The following INTS1 variants were observed in gnomAD, a reference collection of about 807,000 sequenced individuals.
The protein encoded by INTS1 is integrator complex subunit 1.
A neutral mutation model predicts 241.6 loss-of-function variants in INTS1; 137 were observed. The observed-to-expected ratio is 0.57, with a 90% CI of 0.49 to 0.65. The LOEUF (loss-of-function observed/expected upper bound fraction) is 0.65. INTS1 is among the 30% of genes least tolerant of loss of function. INTS1 has a pLI of 0.00. For synonymous variants in INTS1, 1,692 were observed against 1,337.8 expected (o/e 1.26, Z -5.78); for missense variants, 3,073 against 3,032.2 (o/e 1.01, Z -0.32).
intron 3 of INTS1, among the ~76,000 whole-genome samples, chr7:1,502,012 G>A (rs760995948): frequency 2.0e-5 from 3 of 152,158 alleles, no homozygotes; most frequent in African/African-American, 4.8e-5. Flanking sequence ...TTCCAGGGCC[G>A]TCGGGGACTC....
At position 1,484,083 on chromosome 7, in the gene INTS1, G is replaced by C. The variant is rs1297816359; in HGVS notation, c.3349C>G (p.Leu1117Val). Residue 1117 changes from leucine (L) to valine (V), a missense_variant, in exon 25 of 48, where the codon CTG becomes GTG. Leu to Val is a conservative substitution (Grantham distance 32). Transcript: ENST00000404767. The part of the protein sequence containing the change: ...LSPSAASDAV[L>V]SALLSIFSRY... Reference sequence around the variant, plus strand: ...GAGAAGATGGACAACAGAGCGCTCAGCACGGCGTCCGACGCGGCACTCGGG... The same window carrying C: ...GAGAAGATGGACAACAGAGCGCTCACCACGGCGTCCGACGCGGCACTCGGG... 6.2e-7 allele frequency: 1 copy of C among 1,612,456 alleles called. No homozygotes were observed. Among genetic ancestry groups the C allele is most frequent in the Non-Finnish European group, 8.5e-7 (1 of 1,179,784 alleles).
intron 45 of INTS1, 27 bp from the exon 46 acceptor site, chr7:1,471,251 G>T (rs1187123679): frequency 5.1e-6 from 8 of 1,554,662 alleles, no homozygotes; most frequent in Non-Finnish European, 7.0e-6. Context: ...TGGGAGGTGT[G>T]TGACCAAGGG....
At chr7:1,476,156 C>A in intron 38 of INTS1, 73 bp downstream of exon 38, 1 of 1,524,742 alleles carries the variant, frequency 6.6e-7, no homozygotes, top group Non-Finnish European at 8.8e-7. Flanking sequence ...GATGGGAACC[C>A]ACCCAGGGCT....
At chr7:1,480,092 C>A (rs1463802029) in intron 30 of INTS1, among the ~76,000 whole-genome samples, 1 of 152,262 alleles carries the variant, frequency 6.6e-6, no homozygotes, top group Non-Finnish European at 1.5e-5. Flanking sequence ...GGGCGACCCC[C>A]TTCCCCAATG....
chr7:1,482,876 C>T (rs996662337), intron 26 of INTS1, 169 bp from the exon 27 acceptor site: 31 of 703,020 alleles, frequency 4.4e-5, no homozygotes, highest in Non-Finnish European at 6.6e-5. Context: ...GGATGCTTTG[C>T]GTAGGTGCAC....
chr7:1,484,125 G>A lies in INTS1; in HGVS notation c.3307C>T (p.Leu1103Phe), dbSNP rs1170023591. The part of the protein sequence containing the change: ...VVERSTIMSH[L>F]FSKLSPSAAS... Reference sequence around the variant, plus strand: ...GCACTCGGGGAGAGCTTCGAGAAGAGGTGGGACATGATGGTGGAGCGCTCC... The same window carrying A: ...GCACTCGGGGAGAGCTTCGAGAAGAAGTGGGACATGATGGTGGAGCGCTCC... Residue 1103 changes from leucine to phenylalanine, a missense_variant, in exon 25 of 48, where the codon CTC (leucine) becomes TTC (phenylalanine). Physicochemically the swap from Leu to Phe is conservative, Grantham distance 22. Transcript: ENST00000404767. 8.1e-6 allele frequency: 13 copies of A among 1,612,380 alleles called. No individual in the cohort carries two copies. The highest frequency in any genetic ancestry group is 1.0e-5 in the Non-Finnish European group (12 of 1,179,754).
intron 27 of INTS1, 52 bp downstream of exon 27, chr7:1,482,494 G>A: frequency 6.5e-7 from 1 of 1,543,874 alleles, no homozygotes; most frequent in Non-Finnish European, 8.8e-7. Flanking sequence ...CAGGCAAGGG[G>A]CCCGGGACCC....
At position 1,497,297 on chromosome 7, in the gene INTS1, G is replaced by A. The variant is rs758954867; in HGVS notation, c.1443C>T (p.Phe481=). The A allele has an allele frequency of 5.0e-6, 8 of 1,612,702 alleles. No individual in the cohort carries two copies. In the African/African-American group the frequency reaches 9.3e-5, roughly 19 times the overall value. ...CGTCCTTGTTGGTCAGCAGGTCCTGGAACACCATGGCCAGGAACTGGGGCA... is the reference window on the plus strand; with the variant it reads ...CGTCCTTGTTGGTCAGCAGGTCCTGAAACACCATGGCCAGGAACTGGGGCA... ...ELAPKFLAMV[F]QDLLTNKDDY... Residue 481 remains phenylalanine (F), a synonymous_variant, in exon 11 of 48, where the codon TTC becomes TTT. Coordinates refer to ENST00000404767, the MANE Select transcript of INTS1 (RefSeq NM_001080453.3). This position sits in a 1 kb window ranked among gnomAD's most constrained non-coding sequence, Gnocchi z 5.3.
At chr7:1,478,991 C>T (rs770536573) in intron 31 of INTS1, 106 bp from the exon 32 acceptor site, 4 of 1,313,174 alleles carry the variant, frequency 3.0e-6, no homozygotes, top group East Asian at 2.5e-5. Flanking sequence ...CTGCCGCGAC[C>T]GGCACTTGGA....
chr7:1,483,741 C>T lies in INTS1; in HGVS notation c.3541+1G>A, dbSNP rs770022061. ...CCCTCCCGGGGCCTGTGGCGGCTCA[C>T]CTCGAGGCGGGCCCAGCGTCAGCAG... On this transcript the variant is annotated splice_donor_variant, in intron 26 of 47. Transcript: ENST00000404767. LOFTEE classifies it high-confidence loss of function. 1 of 1,610,008 alleles carries T rather than the reference C, an allele frequency of 6.2e-7. No homozygotes were observed. Among genetic ancestry groups the T allele is most frequent in the Non-Finnish European group, 8.5e-7 (1 of 1,179,280 alleles).
At chr7:1,471,736 A>G in intron 44 of INTS1, 95 bp from the exon 45 acceptor site, 1 of 1,154,958 alleles carries the variant, frequency 8.7e-7, no homozygotes, top group Non-Finnish European at 1.3e-6. Flanking sequence ...GGCCCCGAGC[A>G]CCACAGGACA....
intron 30 of INTS1, among the ~76,000 whole-genome samples, chr7:1,480,089 C>T (rs1216171718): frequency 1.3e-5 from 2 of 152,248 alleles, no homozygotes; most frequent in African/African-American, 2.4e-5. Flanking sequence ...GCAGGGCGAC[C>T]CCCTTCCCCA....
chr7:1,495,304 G>A, intron 13 of INTS1, 129 bp downstream of exon 13: 1 of 1,137,152 alleles, frequency 8.8e-7, no homozygotes, highest in Non-Finnish European at 1.2e-6. Flanking sequence ...AGTGGGGTGT[G>A]GGGCAGGGGC....
rs549732138 is a variant in INTS1 at position 1,498,857 on chromosome 7, G to A, written c.1138-5C>T. The A allele has an allele frequency of 5.7e-5, 91 of 1,598,124 alleles. 2 individuals carry two copies. The highest frequency in any genetic ancestry group is 4.7e-4 in the Admixed American group (27 of 58,032). On this transcript the variant is annotated splice_region_variant and splice_polypyrimidine_tract_variant and intron_variant, in intron 8 of 47. Transcript: ENST00000404767. ...GTCCTGGGCCGGCCGGGTCAGCTGC[G>A]GGGCCGAGGAGGGAGCAGTGGGCTC...
Position 1,478,509 on chromosome 7 carries a change from G to A in INTS1, c.4490-3C>T, listed in dbSNP as rs1305868449. 2 of 1,608,986 alleles carry A rather than the reference G, an allele frequency of 1.2e-6. No homozygotes were observed. The highest frequency in any genetic ancestry group is 1.7e-6 in the Non-Finnish European group (2 of 1,178,804). On this transcript the variant is annotated splice_region_variant and splice_polypyrimidine_tract_variant and intron_variant, in intron 32 of 47. Transcript: ENST00000404767. ...CAGGCGCAGGAGCCCCCCTCGCACT[G>A]TGGGAGGTCTGTGTGAGTGCCCTGT...
chr7:1,501,992 G>T (rs1783203214), intron 3 of INTS1, among the ~76,000 whole-genome samples: 1 of 152,082 alleles, frequency 6.6e-6, no homozygotes, highest in South Asian at 2.1e-4. Flanking sequence ...TCCCTGCCAG[G>T]CCTCCTCCCT....
At chr7:1,490,182 A>G (rs993112128) in intron 16 of INTS1, among the ~76,000 whole-genome samples, 4 of 152,244 alleles carry the variant, frequency 2.6e-5, no homozygotes, top group African/African-American at 4.8e-5. Context: ...CACCTGCCGA[A>G]GGAGAGAGGC....
chr7:1,473,683 T>C lies in INTS1; in HGVS notation c.5840A>G (p.Lys1947Arg), dbSNP rs773763049. Residue 1947 changes from lysine to arginine, a missense_variant, in exon 42 of 48, where the codon AAG becomes AGG. Physicochemically the swap from Lys to Arg is conservative, Grantham distance 26. Coordinates refer to ENST00000404767, the MANE Select transcript of INTS1 (RefSeq NM_001080453.3). ...GAAGGCAGCCAGATGGCGGGAGGACTTCCTGTAATTCTGCAAAGCAAAAGC... is the reference window on the plus strand; with the variant it reads ...GAAGGCAGCCAGATGGCGGGAGGACCTCCTGTAATTCTGCAAAGCAAAAGC... ...SFIRLLLNYR[K>R]SSRHLAAFIN... The C allele has an allele frequency of 5.0e-6, 8 of 1,613,052 alleles. No individual in the cohort carries two copies. The East Asian group carries it at 1.8e-4, about 36-fold the overall frequency.
chr7:1,479,353 C>G lies in INTS1; in HGVS notation c.4329+77G>C. 3 of 1,481,540 alleles carry G rather than the reference C, an allele frequency of 2.0e-6. No homozygotes were observed. The South Asian group carries it at 3.7e-5, about 18-fold the overall frequency. The allele number at this position is 1,481,540 out of a possible 1,614,324, so 91.8% of individuals were successfully genotyped here. On this transcript the variant is annotated intron_variant, in intron 31 of 47. Coordinates refer to ENST00000404767, the MANE Select transcript of INTS1 (RefSeq NM_001080453.3). ...CCCAAGACCCACAGAGGAGCAGTCA[C>G]AGGACACCCGGGCCGTCCTGCGGGA...
Sources: gnomAD v4.1 joint callset for allele counts (sites outside exome capture counted in the v4.1 genomes callset) on GRCh38, gnomAD v4.1.1 for gene constraint, Gnocchi (gnomAD v3.1) non-coding constraint, MANE v1.5 for transcripts, NCBI Gene and HGNC (gene_info 2026-07-23, HGNC 2026-07-21) for gene names.